DSCAML1: variants seen among roughly 807,000 people sequenced by gnomAD.
The protein encoded by DSCAML1 is cell adhesion molecule DSCAML1.
In DSCAML1, 38 loss-of-function variants were observed where a neutral mutation model predicts 200.5. The ratio of observed to expected loss-of-function variants is 0.19; its 90% CI spans 0.15 to 0.25. The LOEUF (loss-of-function observed/expected upper bound fraction) is 0.25. Ranked by LOEUF, DSCAML1 falls within the 10% of genes least tolerant of loss-of-function variation. DSCAML1 has a pLI of 1.00. For synonymous variants in DSCAML1, 1,215 were observed against 1,165.0 expected, an observed-to-expected ratio of 1.04 and a Z score of -0.87; for missense variants, 2,223 against 2,858.8, an observed-to-expected ratio of 0.78 and a Z score of 5.07.
At chr11:117,667,342 G>A (rs1402417160) in intron 3 of DSCAML1, among the ~76,000 whole-genome samples, 1 of 152,174 alleles carries the variant, frequency 6.6e-6, no homozygotes, top group African/African-American at 2.4e-5. Context: ...AACCCGGGAG[G>A]CAGAGGTTGT....
intron 3 of DSCAML1, among the ~76,000 whole-genome samples, chr11:117,732,863 T>G (rs1471965224): frequency 6.6e-6 from 1 of 152,148 alleles, no homozygotes; most frequent in African/African-American, 2.4e-5. Flanking sequence ...GGGCCACACT[T>G]TCTTTTTCCA....
intron 3 of DSCAML1, among the ~76,000 whole-genome samples, chr11:117,629,050 T>G (rs913126003): frequency 7.2e-5 from 11 of 152,114 alleles, no homozygotes; most frequent in Admixed American, 1.3e-4. Context: ...CAGCAGGCCC[T>G]GAGCACGGCT....
At chr11:117,707,245 C>T (rs1481520724) in intron 3 of DSCAML1, among the ~76,000 whole-genome samples, 2 of 152,222 alleles carry the variant, frequency 1.3e-5, no homozygotes, top group Non-Finnish European at 2.9e-5. Flanking sequence ...CCCTGAGAAT[C>T]AGCTTAAACT....
At chr11:117,547,650 T>C (rs2050400478) in intron 3 of DSCAML1, among the ~76,000 whole-genome samples, 1 of 152,200 alleles carries the variant, frequency 6.6e-6, no homozygotes, top group African/African-American at 2.4e-5. Context: ...ACACCCCGCG[T>C]GCTATAAAGG....
At chr11:117,800,249 G>A (rs759000883), upstream of DSCAML1, among the ~76,000 whole-genome samples, 1 of 152,200 alleles carries the variant, frequency 6.6e-6, no homozygotes, top group Non-Finnish European at 1.5e-5. Flanking sequence ...GAAATCCCAA[G>A]GGAAAAATGA....
At chr11:117,435,878 C>T (rs1011181227) in intron 26 of DSCAML1, 79 bp from the exon 27 acceptor site, 53 of 1,468,798 alleles carry the variant, frequency 3.6e-5, no homozygotes, top group Admixed American at 2.1e-4. Context: ...GTGGGGCAGT[C>T]CTCTGACCTC....
At chr11:117,627,671 C>T (rs117451159) in intron 3 of DSCAML1, among the ~76,000 whole-genome samples, 8 of 152,076 alleles carry the variant, frequency 5.3e-5, no homozygotes, top group South Asian at 2.1e-4. Context: ...GGAACTCCTG[C>T]GCCAGGCACT....
rs75111185 is a variant in DSCAML1 at position 117,737,132 on chromosome 11, C to T, written c.511+39659G>A. On this transcript the variant is annotated intron_variant, in intron 3 of 32. Coordinates refer to ENST00000651296, the MANE Select transcript of DSCAML1 (RefSeq NM_020693.4). Reference sequence around the variant, plus strand: ...GCAACGCTGTCCAGCTGAAAGAACACGGTCCTATGAATCGGGAAGCTTGAA... The same window carrying T: ...GCAACGCTGTCCAGCTGAAAGAACATGGTCCTATGAATCGGGAAGCTTGAA... Among the ~76,000 whole-genome samples the T allele has an allele frequency of 4.9e-3, 740 of 152,284 alleles. 45 individuals are homozygous for T. The East Asian group carries it at 0.13, about 26-fold the overall frequency.
chr11:117,750,115 C>T (rs1332176455), intron 3 of DSCAML1, among the ~76,000 whole-genome samples: 3 of 152,110 alleles, frequency 2.0e-5, no homozygotes, highest in Admixed American at 6.5e-5. Context: ...AGTTCTCACT[C>T]GGGAAATGTT....
At chr11:117,636,767 C>A (rs2137584095) in intron 3 of DSCAML1, among the ~76,000 whole-genome samples, 1 of 152,318 alleles carries the variant, frequency 6.6e-6, no homozygotes, top group Middle Eastern at 3.4e-3. Context: ...CCATTTCCTA[C>A]TTTGTAAACT....
At chr11:117,511,118 A>T (rs1320758602) in intron 8 of DSCAML1, among the ~76,000 whole-genome samples, 1 of 152,228 alleles carries the variant, frequency 6.6e-6, no homozygotes, top group Non-Finnish European at 1.5e-5. Flanking sequence ...CATACGGCAG[A>T]GGCTGGGTGG....
At chr11:117,545,323 A>G (rs1278226463) in intron 3 of DSCAML1, among the ~76,000 whole-genome samples, 2 of 152,106 alleles carry the variant, frequency 1.3e-5, no homozygotes, top group East Asian at 1.9e-4. Flanking sequence ...GAAGGTGGCC[A>G]TCTGCAAGCC....
intron 18 of DSCAML1, among the ~76,000 whole-genome samples, chr11:117,461,098 A>C (rs187239230): frequency 4.1e-4 from 63 of 152,040 alleles, no homozygotes; most frequent in Admixed American, 1.2e-3. Context: ...ATCTGCCCCT[A>C]TCATGCCCCC....
intron 11 of DSCAML1, among the ~76,000 whole-genome samples, chr11:117,492,703 TTGGCGCGCCGGG>T (rs2049208143): frequency 6.6e-6 from 1 of 152,196 alleles, no homozygotes; most frequent in South Asian, 2.1e-4. Context: ...AGGGGCATTG[TTGGCGCGCCGGG>T]TGGTCGGCGG....
intron 3 of DSCAML1, among the ~76,000 whole-genome samples, chr11:117,649,041 A>ATATATGTATGTG (rs768621807): frequency 5.4e-4 from 74 of 137,930 alleles, no homozygotes; most frequent in African/African-American, 2.1e-3. Flanking sequence ...CTCCATATAT[A>ATATATGTATGTG]TGTGTGTGTG....
In DSCAML1 at chr11:117,745,341, A is replaced by C. The variant is rs991861929; in HGVS notation, c.511+31450T>G. ...GTCAATTAAGAAAAAACAACACCTG[A>C]CTGCAAAACAAAAACAAAACCAGGG... On this transcript the variant is annotated intron_variant, in intron 3 of 32. Coordinates refer to ENST00000651296, the MANE Select transcript of DSCAML1 (RefSeq NM_020693.4). Among the ~76,000 whole-genome samples the C allele has an allele frequency of 3.9e-5, 6 of 152,268 alleles. 1 individual carries two copies. The highest frequency in any genetic ancestry group is 3.9e-4 in the Admixed American group (6 of 15,302).
chr11:117,764,516 A>C (rs1212261184), intron 3 of DSCAML1, among the ~76,000 whole-genome samples: 2 of 152,256 alleles, frequency 1.3e-5, no homozygotes, highest in Non-Finnish European at 2.9e-5. Flanking sequence ...CACAGGAAGC[A>C]CTCAGAAAAC....
At chr11:117,467,315 C>A (rs2048603715) in intron 16 of DSCAML1, among the ~76,000 whole-genome samples, 1 of 151,600 alleles carries the variant, frequency 6.6e-6, no homozygotes, top group Non-Finnish European at 1.5e-5. Context: ...ACATTTAGAT[C>A]CGCAAATAGA....
upstream of DSCAML1, among the ~76,000 whole-genome samples, chr11:117,802,249 C>A (rs912232229): frequency 1.3e-5 from 2 of 152,160 alleles, no homozygotes; most frequent in African/African-American, 4.8e-5. Context: ...TCAGCAGGGC[C>A]TGGTCAGGCA....
Sources: allele counts gnomAD v4.1 joint callset (sites outside exome capture counted in the v4.1 genomes callset), GRCh38; gene constraint gnomAD v4.1.1; transcripts MANE v1.5; gene names NCBI Gene and HGNC (gene_info 2026-07-23, HGNC 2026-07-21).